Variants in GET4 observed in about 807,000 individuals in gnomAD.
GET4 encodes Golgi to ER traffic protein 4 homolog.
GET4 carries 20 observed loss-of-function variants against 40.0 expected under a neutral mutation model. The ratio of observed to expected loss-of-function variants is 0.50; its 90% CI spans 0.35 to 0.73. The LOEUF (loss-of-function observed/expected upper bound fraction) is 0.73, where lower values mean the gene tolerates loss of function less well. GET4 is among the 30% of genes least tolerant of loss of function. The probability of loss-of-function intolerance (pLI) is 0.01; values close to 1 mark genes in which losing one functional copy is unlikely to be tolerated. For missense variants in GET4, 557 were observed against 454.0 expected, an observed-to-expected ratio of 1.23 and a Z score of -2.06; for synonymous variants, 280 against 194.6, an observed-to-expected ratio of 1.44 and a Z score of -3.65.
At chr7:893,059 CGTG>C (rs375716807) in intron 6 of GET4, among the ~76,000 whole-genome samples, 1,469 of 118,086 alleles carry the variant, frequency 0.012, 41 homozygotes, top group African/African-American at 0.046. Context: ...TGGGTGTGGG[CGTG>C]GTGGTGTGTG....
Position 883,563 on chromosome 7 carries a change from A to G in GET4, c.156-2493A>G, listed in dbSNP as rs76696154. ...ACAGATGTTTTGGCCGGCAGAGAGC[A>G]CCAGCGCTCACTGGCTCTCAGCGCC... On this transcript the variant is annotated intron_variant, in intron 1 of 8. Coordinates refer to ENST00000265857, the MANE Select transcript of GET4 (RefSeq NM_015949.3). 6.6e-4 allele frequency: 652 copies of G among 984,278 alleles called. 6 individuals are homozygous for G. In the African/African-American group the frequency reaches 0.011, roughly 16 times the overall value. 61.0% of individuals were successfully genotyped at this position (984,278 alleles called of 1,614,324 possible).
chr7:876,691 GGCGGCCGCAACC>G lies in GET4; in HGVS notation c.52_63del (p.Arg18_Gly21del). ...GGCCGAGCAGGAGAGCGCCCGGAAC[GGCGGCCGCAACC>G]GCGGCGGCGTCCAGCGTGTGGAGGG... On this transcript the variant is annotated inframe_deletion, in exon 1 of 9. Coordinates refer to ENST00000265857, the MANE Select transcript of GET4 (RefSeq NM_015949.3). 1 of 1,350,236 alleles carries G rather than the reference GGCGGCCGCAACC, an allele frequency of 7.4e-7. No individual in the cohort carries two copies. Among genetic ancestry groups the G allele is most frequent in the African/African-American group, 1.6e-5 (1 of 64,364 alleles). The allele number at this position is 1,350,236 out of a possible 1,614,324, so 83.6% of individuals were successfully genotyped here.
Position 887,481 on chromosome 7 carries a change from C to G in GET4, c.428C>G (p.Pro143Arg), listed in dbSNP as rs147234929. 3.7e-4 allele frequency: 588 copies of G among 1,576,308 alleles called. 2 individuals carry two copies. The highest frequency in any genetic ancestry group is 4.9e-4 in the Non-Finnish European group (572 of 1,160,648). ...GGGGGCTCCGGGAAGCTGGGCCACC[C>G]CCGGCTGCACCAGCTGCTGGCCCTC... is the stretch of plus-strand genomic sequence containing the variant. ...SSGGSGKLGH[P>R]RLHQLLALTL... Residue 143 changes from proline to arginine, a missense_variant, in exon 4 of 9, where the codon CCC (proline) becomes CGC (arginine). Pro to Arg is a moderately radical substitution (Grantham distance 103). Transcript: ENST00000265857.
chr7:883,097 G>A (rs886314386), intron 1 of GET4: 22 of 152,254 alleles, frequency 1.4e-4, no homozygotes, highest in African/African-American at 4.1e-4. Context: ...TAAGAGGAGC[G>A]TCTTGTGAAG....
chr7:886,303 A>G (rs566277143), intron 2 of GET4, 169 bp downstream of exon 2: 1 of 614,772 alleles, frequency 1.6e-6, no homozygotes, highest in African/African-American at 1.9e-5. Context: ...TGGCTGCTCC[A>G]CTCTCAAGAC....
intron 1 of GET4, chr7:878,191 G>A (rs58994882): frequency 0.14 from 63,899 of 462,112 alleles, 5,143 homozygotes; most frequent in South Asian, 0.22. Context: ...GGCTATGCTG[G>A]GTTAACTGCA....
intron 8 of GET4, 52 bp downstream of exon 8, chr7:894,023 GTCA>G (rs1562898806): frequency 9.5e-6 from 12 of 1,265,624 alleles, no homozygotes; most frequent in Admixed American, 4.5e-5. Context: ...TCGGTGTGGG[GTCA>G]TCATCTCTGC....
chr7:887,156 G>GTCCA (rs2128628015), intron 3 of GET4: 2 of 709,896 alleles, frequency 2.8e-6, no homozygotes, highest in East Asian at 2.8e-5. Flanking sequence ...CGGCCAGGGC[G>GTCCA]TCCGTCCTTC....
intron 1 of GET4, chr7:883,922 T>G: frequency 9.5e-7 from 1 of 1,055,348 alleles, no homozygotes; most frequent in African/African-American, 1.7e-5. Flanking sequence ...TGCCCAGAAT[T>G]CTCCTCCCGT....
chr7:892,140 C>T, intron 5 of GET4, 138 bp from the exon 6 acceptor site: 2 of 755,844 alleles, frequency 2.6e-6, no homozygotes, highest in East Asian at 2.5e-5. Flanking sequence ...ACGCGTGAAG[C>T]ACTGGGTCCC....
intron 4 of GET4, among the ~76,000 whole-genome samples, chr7:887,891 T>G (rs1166698534): frequency 2.0e-5 from 3 of 152,168 alleles, no homozygotes; most frequent in Admixed American, 2.0e-4. Flanking sequence ...CATCTTCTGA[T>G]GAAGCCTTTG....
chr7:883,806 A>G (rs1027321777), intron 1 of GET4: 15 of 991,820 alleles, frequency 1.5e-5, no homozygotes, highest in East Asian at 1.1e-4. Flanking sequence ...TCTCCAGTAC[A>G]GGAGGAGAAG....
intron 5 of GET4, among the ~76,000 whole-genome samples, chr7:891,823 T>G (rs1205068831): frequency 6.6e-6 from 1 of 152,156 alleles, no homozygotes; most frequent in African/African-American, 2.4e-5. Context: ...CGCTACGCCG[T>G]GTACATGTTT....
rs764382449 is a variant in GET4 at position 893,909 on chromosome 7, G to T, written c.833G>T (p.Arg278Leu). Residue 278 changes from arginine (R) to leucine (L), a missense_variant, in exon 8 of 9, where the codon CGC becomes CTC. Physicochemically the swap from Arg to Leu is moderately radical, Grantham distance 102. Transcript: ENST00000265857. ...GCCTGTGCCTTGCAGTACCTCGACC[G>T]CATAGGACAGCTGTTCTTCGGCGTC... The part of the protein sequence containing the change: ...RDPMYNEYLD[R>L]IGQLFFGVPP... 6.2e-7 allele frequency: 1 copy of T among 1,611,018 alleles called. No individual in the cohort carries two copies.
In GET4 at chr7:887,491, C is replaced by A; in HGVS notation, c.438C>A (p.His146Gln). Reference sequence around the variant, plus strand: ...GGAAGCTGGGCCACCCCCGGCTGCACCAGCTGCTGGCCCTCACCCTGTGGA... The same window carrying A: ...GGAAGCTGGGCCACCCCCGGCTGCAACAGCTGCTGGCCCTCACCCTGTGGA... ...GSGKLGHPRLHQLLALTLWKE... is the reference protein window; with the variant it reads ...GSGKLGHPRLQQLLALTLWKE... The change falls in exon 4 of 9, where the codon CAC becomes CAA. Residue 146 changes from histidine (H) to glutamine (Q), a missense_variant. His to Gln is a conservative substitution (Grantham distance 24). Transcript: ENST00000265857. The A allele has an allele frequency of 6.4e-7, 1 of 1,571,184 alleles. No homozygotes were observed.
chr7:882,347 G>GA (rs1251757981), intron 1 of GET4: 2 of 152,454 alleles, frequency 1.3e-5, no homozygotes, highest in African/African-American at 4.8e-5. Flanking sequence ...GCAGTTGAAG[G>GA]TGAAGGAGAG....
intron 5 of GET4, among the ~76,000 whole-genome samples, chr7:891,888 C>G (rs1585499956): frequency 6.6e-6 from 1 of 152,388 alleles, no homozygotes; most frequent in East Asian, 1.9e-4. Context: ...CCTGTGGGTC[C>G]TCGAACAGAA....
At chr7:883,735 G>C (rs1844131124) in intron 1 of GET4, 1 of 986,118 alleles carries the variant, frequency 1.0e-6, no homozygotes, top group Non-Finnish European at 1.2e-6. Context: ...CCTCGGGCTT[G>C]AGAGGGTACC....
At chr7:877,002 C>T (rs1440068965) in intron 1 of GET4, among the ~76,000 whole-genome samples, 10 of 151,798 alleles carry the variant, frequency 6.6e-5, no homozygotes, top group East Asian at 1.9e-4. Flanking sequence ...CGCCCCCGTT[C>T]CCTCGGCCTC....
Sources: allele counts gnomAD v4.1 joint callset (sites outside exome capture counted in the v4.1 genomes callset), GRCh38; gene constraint gnomAD v4.1.1; transcripts MANE v1.5; gene names NCBI Gene and HGNC (gene_info 2026-07-23, HGNC 2026-07-21).